The following BICRA variants were observed in gnomAD, a reference collection of about 807,000 sequenced individuals.
BICRA encodes the protein BRD4-interacting chromatin-remodeling complex-associated protein.
BICRA carries 31 observed loss-of-function variants against 96.9 expected under a neutral mutation model. That is an observed-to-expected ratio of 0.32 (90% CI 0.24 to 0.43). BICRA has a LOEUF of 0.43. Among genes scored for constraint, BICRA ranks in the 20% least tolerant of loss-of-function variants. BICRA has a pLI of 1.00. For synonymous variants in BICRA, 1,350 were observed against 1,071.8 expected, an observed-to-expected ratio of 1.26 and a Z score of -5.07; for missense variants, 2,283 against 2,190.3, an observed-to-expected ratio of 1.04 and a Z score of -0.84.
intron 1 of BICRA, among the ~76,000 whole-genome samples, chr19:47,625,863 G>A (rs371923378): frequency 2.0e-5 from 3 of 152,042 alleles, no homozygotes; most frequent in East Asian, 3.9e-4. Context: ...TGTGGGGGCC[G>A]GGGGCACGGG....
At position 47,702,586 on chromosome 19, in the gene BICRA, G is replaced by C; in HGVS notation, c.*171G>C. 1.3e-6 allele frequency: 1 copy of C among 765,856 alleles called. No individual in the cohort carries two copies. The highest frequency in any genetic ancestry group is 1.9e-6 in the Non-Finnish European group (1 of 518,814). 47.4% of individuals were successfully genotyped at this position (765,856 alleles called of 1,614,324 possible). On this transcript the variant is annotated 3_prime_UTR_variant, in exon 15 of 15. Coordinates refer to ENST00000594866, the MANE Select transcript of BICRA (RefSeq NM_001394372.1). ...CCCTGCCGCCTGCTTCAGCTGGGTT[G>C]CTGGGGGGTGGGCGTGGATTTAGGG... is the stretch of plus-strand genomic sequence containing the variant.
intron 1 of BICRA, among the ~76,000 whole-genome samples, chr19:47,638,203 C>T (rs755287892): frequency 7.9e-5 from 12 of 152,094 alleles, no homozygotes; most frequent in African/African-American, 2.7e-4. Context: ...CCAGGGAGCC[C>T]GGGGTAGGCC....
At chr19:47,611,672 G>A (rs1971909425) in intron 1 of BICRA, among the ~76,000 whole-genome samples, 1 of 152,128 alleles carries the variant, frequency 6.6e-6, no homozygotes, top group Non-Finnish European at 1.5e-5. Flanking sequence ...GTTCTCCTTG[G>A]CATGATCCAC....
chr19:47,626,738 C>G (rs1014877825), intron 1 of BICRA, among the ~76,000 whole-genome samples: 7 of 37,760 alleles, frequency 1.9e-4, no homozygotes, highest in Admixed American at 1.0e-3. Context: ...TTTTTTTTTT[C>G]TGAGACAGAG....
intron 7 of BICRA, among the ~76,000 whole-genome samples, chr19:47,693,699 G>A (rs1450577298): frequency 1.3e-5 from 2 of 152,158 alleles, no homozygotes; most frequent in African/African-American, 2.4e-5. Context: ...TGCTGTGCTC[G>A]CCGCCCGGCC....
chr19:47,676,025 CAGG>C (rs757047793), intron 5 of BICRA, 109 bp downstream of exon 5: 6 of 622,482 alleles, frequency 9.6e-6, no homozygotes, highest in Non-Finnish European at 1.7e-5. Context: ...GGGCTGTTGA[CAGG>C]AGGAGGGCGG....
chr19:47,656,148 G>A (rs1001848598), intron 1 of BICRA, among the ~76,000 whole-genome samples: 2 of 151,368 alleles, frequency 1.3e-5, no homozygotes, highest in Non-Finnish European at 2.9e-5. Flanking sequence ...TTAGCCAAGC[G>A]TGATGGCGCA....
Position 47,698,811 on chromosome 19 carries a change from A to G in BICRA, c.3397+29A>G, listed in dbSNP as rs369834508. On this transcript the variant is annotated intron_variant, in intron 12 of 14. Transcript: ENST00000594866. This position sits in a 1 kb window ranked among gnomAD's most constrained non-coding sequence, Gnocchi z 4.8. ...AGGCCTCCCCAGGACACGGCCCTAT[A>G]TGTCCCAGGGGACCCCAGCCCGTGG... 337 of 1,558,664 alleles carry G rather than the reference A, an allele frequency of 2.2e-4. No homozygotes were observed. Among genetic ancestry groups the G allele is most frequent in the Non-Finnish European group, 1.9e-4 (220 of 1,144,304 alleles).
At chr19:47,666,219 C>T (rs1181096143) in intron 1 of BICRA, among the ~76,000 whole-genome samples, 1 of 152,182 alleles carries the variant, frequency 6.6e-6, no homozygotes, top group Non-Finnish European at 1.5e-5. Context: ...TCAAGGTGCA[C>T]TTGATTCCTG....
intron 1 of BICRA, among the ~76,000 whole-genome samples, chr19:47,635,871 G>A (rs1972294145): frequency 6.6e-6 from 1 of 152,084 alleles, no homozygotes. Context: ...AACTTGGATT[G>A]TTTCCACCTT....
intron 1 of BICRA, among the ~76,000 whole-genome samples, chr19:47,611,594 C>T (rs1344106187): frequency 6.6e-6 from 1 of 152,182 alleles, no homozygotes; most frequent in East Asian, 1.9e-4. Flanking sequence ...GTTCCTATGC[C>T]CTGTGACCCG....
chr19:47,629,749 G>A (rs780968795), intron 1 of BICRA, among the ~76,000 whole-genome samples: 2 of 151,874 alleles, frequency 1.3e-5, no homozygotes, highest in South Asian at 2.1e-4. Flanking sequence ...CCCCTGCCTC[G>A]CAGGTTCAAG....
intron 1 of BICRA, among the ~76,000 whole-genome samples, chr19:47,666,077 T>C (rs1405936028): frequency 6.6e-6 from 1 of 152,188 alleles, no homozygotes; most frequent in Non-Finnish European, 1.5e-5. Flanking sequence ...GAGGTGTTCC[T>C]ATGTAACAGT....
chr19:47,609,698 C>A (rs1040545089), intron 1 of BICRA, among the ~76,000 whole-genome samples: 3 of 151,962 alleles, frequency 2.0e-5, no homozygotes, highest in African/African-American at 7.2e-5. Flanking sequence ...GGTGATCTCC[C>A]GGCCGGAGGC....
At chr19:47,612,098 T>C (rs1312326728) in intron 1 of BICRA, among the ~76,000 whole-genome samples, 1 of 152,166 alleles carries the variant, frequency 6.6e-6, no homozygotes, top group Non-Finnish European at 1.5e-5. Context: ...CTTGAGGTCC[T>C]GACCTCAGGT....
chr19:47,685,701 G>A (rs1167036857), intron 7 of BICRA, among the ~76,000 whole-genome samples: 1 of 149,774 alleles, frequency 6.7e-6, no homozygotes, highest in Non-Finnish European at 1.5e-5. Context: ...CACTCGGAAG[G>A]AACTCTGTGC....
At chr19:47,619,360 A>T (rs956321442) in intron 1 of BICRA, among the ~76,000 whole-genome samples, 4 of 151,368 alleles carry the variant, frequency 2.6e-5, no homozygotes, top group Non-Finnish European at 5.9e-5. Flanking sequence ...CGGGTTCAAG[A>T]CATTCTCCCT....
At chr19:47,673,487 C>A in intron 2 of BICRA, 83 bp from the exon 3 acceptor site, 1 of 1,072,718 alleles carries the variant, frequency 9.3e-7, no homozygotes, top group Non-Finnish European at 1.5e-6. Context: ...CTCCAGGGGG[C>A]TCCCCTGAAG....
At chr19:47,700,074 C>T (rs1320839341) in intron 14 of BICRA, 3 of 152,486 alleles carry the variant, frequency 2.0e-5, no homozygotes, top group Non-Finnish European at 4.4e-5. Flanking sequence ...TCTGAAGTCT[C>T]TAGGGTAGGA....
Sources: gnomAD v4.1 joint callset for allele counts (sites outside exome capture counted in the v4.1 genomes callset) on GRCh38, gnomAD v4.1.1 for gene constraint, Gnocchi (gnomAD v3.1) non-coding constraint, MANE v1.5 for transcripts, NCBI Gene and HGNC (gene_info 2026-07-23, HGNC 2026-07-21) for gene names.